Variants in MS4A13 observed in about 807,000 individuals in gnomAD.
MS4A13 encodes membrane spanning 4-domains A13.
Under a neutral mutation model 18.4 loss-of-function variants are expected in MS4A13, and 21 were observed. The observed-to-expected ratio is 1.14, with a 90% CI of 0.81 to 1.64. MS4A13 has a LOEUF of 1.64. MS4A13 is among the 40% of genes most tolerant of loss of function. The pLI is 0.00. For missense variants in MS4A13, 173 were observed against 176.8 expected (o/e 0.98, Z 0.12); for synonymous variants, 62 against 57.2 (o/e 1.08, Z -0.38).
At chr11:60,542,181 A>AGAAGAAAGG (rs1216054936) in intron 6 of MS4A13, among the ~76,000 whole-genome samples, 1 of 147,482 alleles carries the variant, frequency 6.8e-6, no homozygotes, top group African/African-American at 2.5e-5. Flanking sequence ...AGAGAAAGAA[A>AGAAGAAAGG]GAAGAAAGGG....
Position 60,523,922 on chromosome 11 carries a change from T to C in MS4A13, c.155T>C (p.Ile52Thr), listed in dbSNP as rs768711274. ...IFFIIAGVFL[I>T]RVTKYPTRSG... ...TTTATCATTGCAGGAGTCTTCCTAA[T>C]AAGAGTAACAAAGTATCCGACTCGA... Residue 52 changes from isoleucine to threonine, a missense_variant, in exon 4 of 7, where the codon ATA (isoleucine) becomes ACA (threonine). Transcript: ENST00000378186. 1.3e-6 allele frequency: 2 copies of C among 1,545,648 alleles called. No homozygotes were observed. The highest frequency in any genetic ancestry group is 1.8e-6 in the Non-Finnish European group (2 of 1,118,148).
intron 5 of MS4A13, 28 bp downstream of exon 5, chr11:60,525,354 T>A: frequency 6.9e-7 from 1 of 1,456,970 alleles, no homozygotes; most frequent in Non-Finnish European, 9.2e-7. Flanking sequence ...TGGGAACATA[T>A]TAATTTTAAA....
chr11:60,541,771 C>A (rs1283588332), intron 6 of MS4A13, among the ~76,000 whole-genome samples: 1 of 151,904 alleles, frequency 6.6e-6, no homozygotes, highest in Non-Finnish European at 1.5e-5. Flanking sequence ...TGAAGGTACA[C>A]CAAAAGATAC....
At chr11:60,540,406 C>T (rs1245047704) in intron 6 of MS4A13, among the ~76,000 whole-genome samples, 1 of 151,962 alleles carries the variant, frequency 6.6e-6, no homozygotes, top group Non-Finnish European at 1.5e-5. Flanking sequence ...ATTATAACAC[C>T]ATATTGGTAG....
At chr11:60,521,948 G>A (rs1590871425) in intron 3 of MS4A13, among the ~76,000 whole-genome samples, 1 of 152,294 alleles carries the variant, frequency 6.6e-6, no homozygotes, top group Non-Finnish European at 1.5e-5. Context: ...AGAAGGCAAG[G>A]AGGAGCAAGT....
chr11:60,542,693 C>G lies in MS4A13; in HGVS notation c.*118C>G. On this transcript the variant is annotated 3_prime_UTR_variant, in exon 7 of 7. Transcript: ENST00000378186. ...GATTTTGTGCAAAATAAAATACAAACAAGGTGAATTTTTCTCCTCATTCAA... is the reference window on the plus strand; with the variant it reads ...GATTTTGTGCAAAATAAAATACAAAGAAGGTGAATTTTTCTCCTCATTCAA... 1.8e-6 allele frequency: 1 copy of G among 563,580 alleles called. No homozygotes were observed. Among genetic ancestry groups the G allele is most frequent in the Non-Finnish European group, 3.0e-6 (1 of 327,910 alleles). 34.9% of individuals were successfully genotyped at this position (563,580 alleles called of 1,614,324 possible).
chr11:60,527,477 C>T (rs1328769469), intron 5 of MS4A13, among the ~76,000 whole-genome samples: 1 of 143,520 alleles, frequency 7.0e-6, no homozygotes, highest in Non-Finnish European at 1.5e-5. Flanking sequence ...ATTTGAGCTG[C>T]TCTGGCCAAC....
intron 3 of MS4A13, among the ~76,000 whole-genome samples, chr11:60,518,907 T>A (rs996435709): frequency 6.6e-6 from 1 of 152,164 alleles, no homozygotes; most frequent in Non-Finnish European, 1.5e-5. Context: ...TTTACTGTAA[T>A]GTGGTATAAA....
intron 6 of MS4A13, among the ~76,000 whole-genome samples, chr11:60,538,113 C>A (rs1283046030): frequency 1.4e-5 from 2 of 143,866 alleles, no homozygotes; most frequent in African/African-American, 5.2e-5. Context: ...ACCAGCATGG[C>A]ACATGTATAC....
At chr11:60,529,236 T>C (rs1036339378) in intron 5 of MS4A13, 129 bp from the exon 6 acceptor site, 2 of 490,930 alleles carry the variant, frequency 4.1e-6, no homozygotes, top group Non-Finnish European at 7.1e-6. Flanking sequence ...GAAAGGTTTA[T>C]CTGTTCTTAT....
chr11:60,532,566 A>G (rs2086778866), intron 6 of MS4A13, among the ~76,000 whole-genome samples: 1 of 152,174 alleles, frequency 6.6e-6, no homozygotes, highest in Admixed American at 6.5e-5. Flanking sequence ...GTCTCAGATC[A>G]AACTGCGAGG....
rs971107836 is a variant in MS4A13, at chr11:60,522,039, T to C, written c.130-1858T>C. Among the ~76,000 whole-genome samples the C allele has an allele frequency of 3.9e-5, 6 of 152,062 alleles. No individual in the cohort carries two copies. The East Asian group carries it at 7.7e-4, about 20-fold the overall frequency. The stretch of plus-strand genomic sequence containing the variant: ...CCATTTTTAAAACCATCAGATCTCA[T>C]AGGACTTATTCACTATCACAAGAAC... On this transcript the variant is annotated intron_variant, in intron 3 of 6. Coordinates refer to ENST00000378186, the MANE Select transcript of MS4A13 (RefSeq NM_001012417.3).
At position 60,538,178 on chromosome 11, in the gene MS4A13, A is replaced by T. The variant is rs1476143106; in HGVS notation, c.403-4341A>T. 3.3e-3 allele frequency among the ~76,000 whole-genome samples: 308 copies of T among 92,342 alleles called. 1 individual carries two copies. The highest frequency in any genetic ancestry group is 5.3e-3 in the South Asian group (15 of 2,814). The allele number at this position is 92,342 out of a possible 152,430, so 60.6% of individuals were successfully genotyped here. ...TGTACCCTAAAACTTAAAGTATAATAAAAAAAAAAAAAACGAAAAAAAAAA... is the reference window on the plus strand; with the variant it reads ...TGTACCCTAAAACTTAAAGTATAATTAAAAAAAAAAAAACGAAAAAAAAAA... On this transcript the variant is annotated intron_variant, in intron 6 of 6. Coordinates refer to ENST00000378186, the MANE Select transcript of MS4A13 (RefSeq NM_001012417.3).
At chr11:60,527,361 C>CCT (rs2086722035) in intron 5 of MS4A13, among the ~76,000 whole-genome samples, 8 of 77,048 alleles carry the variant, frequency 1.0e-4, no homozygotes, top group African/African-American at 2.1e-4. Context: ...TCATTCATTC[C>CCT]GTCTCTCTCT....
chr11:60,521,902 A>T (rs375346642), intron 3 of MS4A13, among the ~76,000 whole-genome samples: 1 of 152,176 alleles, frequency 6.6e-6, no homozygotes, highest in African/African-American at 2.4e-5. Context: ...TTGGACTTAC[A>T]GTTTCTCATG....
At chr11:60,530,881 C>T (rs944954235) in intron 6 of MS4A13, among the ~76,000 whole-genome samples, 7 of 151,884 alleles carry the variant, frequency 4.6e-5, no homozygotes, top group African/African-American at 1.7e-4. Context: ...TCCTCATTCA[C>T]TCAGTCTTCT....
rs752861141 is a variant in MS4A13, at chr11:60,529,460, G to A, written c.402G>A (p.Leu134=). ...LTHSIYSCSN[L]FRRQNDLTSV... ...ACTCAATATACAGCTGTTCCAATTTGGTAAGTGTTTACCCACTCTCTGGCA... is the reference window on the plus strand; with the variant it reads ...ACTCAATATACAGCTGTTCCAATTTAGTAAGTGTTTACCCACTCTCTGGCA... The change falls in exon 6 of 7, where the codon TTG becomes TTA. Residue 134 remains leucine (L), a splice_region_variant and synonymous_variant. Transcript: ENST00000378186. The A allele has an allele frequency of 1.9e-6, 3 of 1,576,046 alleles. No individual in the cohort carries two copies. The South Asian group carries it at 3.5e-5, about 18-fold the overall frequency.
intron 6 of MS4A13, 51 bp from the exon 7 acceptor site, chr11:60,542,468 T>C (rs758085109): frequency 1.6e-6 from 2 of 1,250,348 alleles, no homozygotes; most frequent in South Asian, 1.3e-5. Flanking sequence ...TTATTAGTTG[T>C]ATAATATTAA....
At chr11:60,539,930 C>A (rs533975081) in intron 6 of MS4A13, among the ~76,000 whole-genome samples, 1 of 152,232 alleles carries the variant, frequency 6.6e-6, no homozygotes, top group South Asian at 2.1e-4. Flanking sequence ...AGAAATTCCT[C>A]ATGAGAAACA....
Sources: gnomAD v4.1 joint callset for allele counts (sites outside exome capture counted in the v4.1 genomes callset) on GRCh38, gnomAD v4.1.1 for gene constraint, MANE v1.5 for transcripts, NCBI Gene and HGNC (gene_info 2026-07-23, HGNC 2026-07-21) for gene names.